Variants in PRIM2 observed in about 807,000 individuals in gnomAD.
The protein encoded by PRIM2 is DNA primase large subunit.
A neutral mutation model predicts 67.3 loss-of-function variants in PRIM2; 39 were observed. That is an observed-to-expected ratio of 0.58 (90% CI 0.45 to 0.76). The LOEUF (loss-of-function observed/expected upper bound fraction) is 0.76. PRIM2 is among the 30% of genes least tolerant of loss of function. The probability of loss-of-function intolerance (pLI) is 0.00; values close to 1 mark genes in which losing one functional copy is unlikely to be tolerated. For missense variants in PRIM2, 398 were observed against 598.7 expected (o/e 0.66, Z 3.50); for synonymous variants, 143 against 198.7 (o/e 0.72, Z 2.36).
intron 9 of PRIM2, among the ~76,000 whole-genome samples, chr6:57,533,804 A>G (rs1250650999): frequency 0.012 from 1,771 of 152,288 alleles, 29 homozygotes; most frequent in African/African-American, 0.04. Context: ...TGTAGCAGCC[A>G]TTGTGCTGTG....
intron 7 of PRIM2, among the ~76,000 whole-genome samples, chr6:57,456,613 T>G (rs1772791419): frequency 6.6e-6 from 1 of 152,240 alleles, no homozygotes; most frequent in Non-Finnish European, 1.5e-5. Flanking sequence ...CACGTAGTTC[T>G]CGTGCCTTGG....
intron 5 of PRIM2, among the ~76,000 whole-genome samples, chr6:57,371,587 A>T (rs1769559077): frequency 6.6e-6 from 1 of 152,220 alleles, no homozygotes; most frequent in South Asian, 2.1e-4. Context: ...AATCAATTAT[A>T]ATTATTCTTA....
chr6:57,606,497 C>T, intron 12 of PRIM2, 40 bp downstream of exon 12: 18 of 1,492,632 alleles, frequency 1.2e-5, no homozygotes, highest in Non-Finnish European at 1.5e-5. Context: ...AGTAACGAGG[C>T]CTTAGATAGA....
At chr6:57,398,576 C>T (rs1770601368) in intron 7 of PRIM2, among the ~76,000 whole-genome samples, 1 of 152,020 alleles carries the variant, frequency 6.6e-6, no homozygotes, top group Non-Finnish European at 1.5e-5. Context: ...TATGTGGTCG[C>T]TTTTAGAGCA....
the PRIM2 span, among the ~76,000 whole-genome samples, chr6:57,289,221 T>C: frequency 4.2e-3 from 632 of 152,222 alleles, 6 homozygotes; most frequent in African/African-American, 0.015. Context: ...GAAGATCAAA[T>C]TAATGAAATA....
chr6:57,364,966 C>T (rs1028513162), intron 5 of PRIM2, among the ~76,000 whole-genome samples: 2 of 151,822 alleles, frequency 1.3e-5, no homozygotes, highest in Non-Finnish European at 2.9e-5. Context: ...AAATCAGAAA[C>T]TGCTAATAGC....
intron 8 of PRIM2, among the ~76,000 whole-genome samples, chr6:57,519,410 C>T (rs1774562726): frequency 6.6e-6 from 1 of 152,312 alleles, no homozygotes; most frequent in Admixed American, 6.5e-5. Context: ...CCAGGGGGGC[C>T]GTTCATAGGC....
the PRIM2 span, among the ~76,000 whole-genome samples, chr6:57,295,733 C>T: frequency 6.6e-6 from 1 of 152,224 alleles, no homozygotes. Context: ...CTTATCTCCA[C>T]ATGAACAGCT....
chr6:57,349,269 G>C (rs761795340), intron 5 of PRIM2, among the ~76,000 whole-genome samples: 1 of 151,434 alleles, frequency 6.6e-6, no homozygotes, highest in South Asian at 2.1e-4. Flanking sequence ...TTCTGAGTTC[G>C]CTTTTTTGAC....
the PRIM2 span, among the ~76,000 whole-genome samples, chr6:57,265,889 A>C: frequency 6.6e-6 from 1 of 152,300 alleles, no homozygotes; most frequent in African/African-American, 2.4e-5. Context: ...TCATCCAACT[A>C]TTCTTTAATG....
At chr6:57,484,507 CTG>C (rs1773709881) in intron 7 of PRIM2, among the ~76,000 whole-genome samples, 1 of 152,204 alleles carries the variant, frequency 6.6e-6, no homozygotes, top group African/African-American at 2.4e-5. Context: ...CAACTCCTAA[CTG>C]TGATCCAAAA....
At chr6:57,356,179 AAC>A (rs1769024227) in intron 5 of PRIM2, among the ~76,000 whole-genome samples, 1 of 152,194 alleles carries the variant, frequency 6.6e-6, no homozygotes, top group Admixed American at 6.5e-5. Context: ...CTGGTGCTGT[AAC>A]ACCTGTAGTT....
At chr6:57,534,470 C>T (rs1774958133) in intron 9 of PRIM2, among the ~76,000 whole-genome samples, 1 of 152,098 alleles carries the variant, frequency 6.6e-6, no homozygotes, top group South Asian at 2.1e-4. Flanking sequence ...TTTCCATGAT[C>T]ATTTTTCTAT....
At chr6:57,415,966 T>C (rs1476198748) in intron 7 of PRIM2, among the ~76,000 whole-genome samples, 1 of 152,196 alleles carries the variant, frequency 6.6e-6, no homozygotes, top group African/African-American at 2.4e-5. Flanking sequence ...AAGTCAACCA[T>C]GAGAGTTGGA....
chr6:57,622,486 T>C (rs1328667477), intron 12 of PRIM2, among the ~76,000 whole-genome samples: 1 of 152,236 alleles, frequency 6.6e-6, no homozygotes, highest in Admixed American at 6.5e-5. Context: ...TACTTTTACA[T>C]GTTGGCCCAT....
chr6:57,463,677 A>G (rs1312459389), intron 7 of PRIM2, among the ~76,000 whole-genome samples: 7 of 152,114 alleles, frequency 4.6e-5, no homozygotes, highest in African/African-American at 1.4e-4. Flanking sequence ...AACCTGTCTG[A>G]CCTTCTTTAC....
At chr6:57,462,194 G>A (rs1773030395) in intron 7 of PRIM2, among the ~76,000 whole-genome samples, 2 of 152,088 alleles carry the variant, frequency 1.3e-5, no homozygotes, top group Admixed American at 6.6e-5. Context: ...AAAAATCACA[G>A]GAGAGTGTGG....
At chr6:57,344,563 A>G (rs1284015590) in intron 5 of PRIM2, among the ~76,000 whole-genome samples, 1 of 152,210 alleles carries the variant, frequency 6.6e-6, no homozygotes, top group Non-Finnish European at 1.5e-5. Flanking sequence ...TTTAAAAGTA[A>G]ACACTACAAG....
At chr6:57,635,099 A>C in intron 13 of PRIM2, among the ~76,000 whole-genome samples, 1 of 152,214 alleles carries the variant, frequency 6.6e-6, no homozygotes, top group Non-Finnish European at 1.5e-5. Context: ...CTTAAATGGA[A>C]GTTTTGAAAA....
Sources: gnomAD v4.1 joint callset for allele counts (sites outside exome capture counted in the v4.1 genomes callset) on GRCh38, gnomAD v4.1.1 for gene constraint, MANE v1.5 for transcripts, NCBI Gene and HGNC (gene_info 2026-07-23, HGNC 2026-07-21) for gene names.